Variants in PCDH9 observed in about 807,000 individuals in gnomAD.
PCDH9 encodes the protein protocadherin-9.
A neutral mutation model predicts 70.6 loss-of-function variants in PCDH9; 24 were observed. That is an observed-to-expected ratio of 0.34 (90% CI 0.25 to 0.48). PCDH9 has a LOEUF of 0.48. Ranked by LOEUF, PCDH9 falls within the 20% of genes least tolerant of loss-of-function variation. The pLI is 0.99. For synonymous variants in PCDH9, 562 were observed against 558.5 expected (o/e 1.01, Z -0.09); for missense variants, 1,281 against 1,503.6 (o/e 0.85, Z 2.45).
At chr13:67,076,881 C>T (rs2085888518) in intron 2 of PCDH9, among the ~76,000 whole-genome samples, 1 of 152,092 alleles carries the variant, frequency 6.6e-6, no homozygotes, top group South Asian at 2.1e-4. Flanking sequence ...TTGCTACAAA[C>T]TTTGAGAAGT....
chr13:67,023,405 TTC>T (rs2084717936), intron 2 of PCDH9, among the ~76,000 whole-genome samples: 1 of 152,192 alleles, frequency 6.6e-6, no homozygotes, highest in Non-Finnish European at 1.5e-5. Context: ...TGTAGTAAAA[TTC>T]TGTCTTATAT....
At chr13:66,401,181 G>A (rs1376141829) in intron 4 of PCDH9, among the ~76,000 whole-genome samples, 3 of 152,122 alleles carry the variant, frequency 2.0e-5, no homozygotes, top group African/African-American at 7.2e-5. Context: ...GTCTGGCTGT[G>A]TGTCCCCACC....
At chr13:66,314,727 G>GT (rs1475582151) in intron 4 of PCDH9, among the ~76,000 whole-genome samples, 1 of 152,142 alleles carries the variant, frequency 6.6e-6, no homozygotes, top group Non-Finnish European at 1.5e-5. Context: ...TGATGACCTA[G>GT]TTGCTCAATG....
At chr13:67,167,779 AATT>A (rs1281705533) in intron 2 of PCDH9, among the ~76,000 whole-genome samples, 1 of 152,154 alleles carries the variant, frequency 6.6e-6, no homozygotes. Flanking sequence ...CCGTGGAACT[AATT>A]ATTGTCCTGT....
At position 66,928,568 on chromosome 13, in the gene PCDH9, C is replaced by T. The variant is rs575137477; in HGVS notation, c.3037-24963G>A. Among the ~76,000 whole-genome samples the T allele has an allele frequency of 2.6e-5, 4 of 152,126 alleles. No homozygotes were observed. In the East Asian group the frequency reaches 5.8e-4, roughly 22 times the overall value. ...GTGCAGCAGTGTTTAGAGATGGGCC[C>T]ATTGGGAGGTGATTAGGTCATAAGG... On this transcript the variant is annotated intron_variant, in intron 2 of 4. Coordinates refer to ENST00000377865, the MANE Select transcript of PCDH9 (RefSeq NM_203487.3).
chr13:66,610,171 T>A (rs2077275470), intron 4 of PCDH9, among the ~76,000 whole-genome samples: 1 of 151,970 alleles, frequency 6.6e-6, no homozygotes, highest in Non-Finnish European at 1.5e-5. Flanking sequence ...TTATTACTAA[T>A]GCATCAAATA....
intron 4 of PCDH9, among the ~76,000 whole-genome samples, chr13:66,501,674 A>T (rs1959177716): frequency 6.6e-6 from 1 of 152,100 alleles, no homozygotes; most frequent in Non-Finnish European, 1.5e-5. Context: ...ATATTAAAAA[A>T]ATTAAGATAA....
chr13:66,422,659 T>G (rs1469028990), intron 4 of PCDH9, among the ~76,000 whole-genome samples: 1 of 152,168 alleles, frequency 6.6e-6, no homozygotes, highest in Admixed American at 6.5e-5. Flanking sequence ...TAAAGCAGTG[T>G]TCAGAGGGAA....
chr13:66,807,264 T>C (rs948319102), intron 3 of PCDH9, among the ~76,000 whole-genome samples: 1 of 152,168 alleles, frequency 6.6e-6, no homozygotes, highest in Non-Finnish European at 1.5e-5. Flanking sequence ...AAAACATACA[T>C]CATTCCAGCC....
At chr13:67,184,563 T>C (rs375424297) in intron 2 of PCDH9, among the ~76,000 whole-genome samples, 1 of 152,206 alleles carries the variant, frequency 6.6e-6, no homozygotes, top group South Asian at 2.1e-4. Flanking sequence ...ACCCCGTCTC[T>C]ATAAAAAAAT....
chr13:67,088,752 T>C (rs2086159304), intron 2 of PCDH9, among the ~76,000 whole-genome samples: 1 of 152,096 alleles, frequency 6.6e-6, no homozygotes, highest in Non-Finnish European at 1.5e-5. Context: ...TCCTAAGTTC[T>C]GTAACATCTT....
chr13:66,603,289 T>G (rs114286188), intron 4 of PCDH9, among the ~76,000 whole-genome samples: 1 of 123,696 alleles, frequency 8.1e-6, no homozygotes, highest in East Asian at 1.9e-4. Context: ...TAGCTGCTTT[T>G]TAACTTAAAG....
intron 4 of PCDH9, among the ~76,000 whole-genome samples, chr13:66,450,254 T>C (rs115995455): frequency 0.014 from 2,092 of 152,278 alleles, 39 homozygotes; most frequent in African/African-American, 0.047. Context: ...AAAACATATT[T>C]AATTTAATAG....
intron 4 of PCDH9, among the ~76,000 whole-genome samples, chr13:66,614,791 G>T (rs1400819554): frequency 1.3e-5 from 2 of 152,324 alleles, no homozygotes; most frequent in East Asian, 3.9e-4. Flanking sequence ...CTCGCCAGCA[G>T]TTTTGCCATG....
chr13:67,206,607 A>T (rs2089354537), intron 2 of PCDH9: 1 of 152,246 alleles, frequency 6.6e-6, no homozygotes, highest in Non-Finnish European at 1.5e-5. Context: ...TTGTATAAAT[A>T]GTATTAAAAT....
chr13:67,005,322 T>C (rs1432582716), intron 2 of PCDH9, among the ~76,000 whole-genome samples: 1 of 152,056 alleles, frequency 6.6e-6, no homozygotes, highest in African/African-American at 2.4e-5. Context: ...ACTATTTGAG[T>C]TCGCTTTAAA....
chr13:66,333,588 C>T (rs949678558), intron 4 of PCDH9, among the ~76,000 whole-genome samples: 3 of 152,104 alleles, frequency 2.0e-5, no homozygotes, highest in African/African-American at 7.2e-5. Context: ...CATTTTGTTT[C>T]TCTTTTTCTT....
chr13:66,352,214 CT>C (rs1956304254), intron 4 of PCDH9, among the ~76,000 whole-genome samples: 2 of 152,212 alleles, frequency 1.3e-5, no homozygotes, highest in Admixed American at 1.3e-4. Flanking sequence ...CTCAAAAAAG[CT>C]TATTAACTTT....
At chr13:66,985,082 C>G (rs543284041) in intron 2 of PCDH9, among the ~76,000 whole-genome samples, 1 of 152,206 alleles carries the variant, frequency 6.6e-6, no homozygotes, top group East Asian at 1.9e-4. Flanking sequence ...AGCTCTCATC[C>G]TCCATTAAAT....
Sources: allele counts gnomAD v4.1 joint callset (sites outside exome capture counted in the v4.1 genomes callset), GRCh38; gene constraint gnomAD v4.1.1; transcripts MANE v1.5; gene names NCBI Gene and HGNC (gene_info 2026-07-23, HGNC 2026-07-21).